ATXN1: variants seen among roughly 807,000 people sequenced by gnomAD.
The protein encoded by ATXN1 is ataxin-1.
Under a neutral mutation model 56.4 loss-of-function variants are expected in ATXN1, and 8 were observed. The observed-to-expected ratio is 0.14, with a 90% confidence interval of 0.08 to 0.26. The LOEUF (loss-of-function observed/expected upper bound fraction) is 0.26. ATXN1 is among the 10% of genes least tolerant of loss of function. ATXN1 has a pLI of 1.00. For missense variants in ATXN1, 987 were observed against 1,106.5 expected (o/e 0.89, Z 1.53); for synonymous variants, 514 against 494.6 (o/e 1.04, Z -0.52).
intron 6 of ATXN1, among the ~76,000 whole-genome samples, chr6:16,367,520 C>T (rs1203285782): frequency 6.6e-6 from 1 of 152,184 alleles, no homozygotes; most frequent in Non-Finnish European, 1.5e-5. Flanking sequence ...AGCACACATT[C>T]AGACTCGATT....
intron 3 of ATXN1, among the ~76,000 whole-genome samples, chr6:16,601,701 A>G (rs547391461): frequency 6.6e-6 from 1 of 152,014 alleles, no homozygotes; most frequent in African/African-American, 2.4e-5. Context: ...AATACAAAAA[A>G]TATTAGTTGG....
intron 6 of ATXN1, among the ~76,000 whole-genome samples, chr6:16,384,496 A>T (rs7758453): frequency 5.9e-5 from 9 of 152,028 alleles, no homozygotes; most frequent in East Asian, 3.9e-4. Flanking sequence ...ATAAAACAGA[A>T]GATCTAAAAG....
chr6:16,697,339 C>T (rs1759185797), intron 2 of ATXN1, among the ~76,000 whole-genome samples: 1 of 152,010 alleles, frequency 6.6e-6, no homozygotes, highest in African/African-American at 2.4e-5. Flanking sequence ...GCTTTTTTAC[C>T]CTTGGACTTG....
At chr6:16,437,189 C>T (rs553587528) in intron 6 of ATXN1, among the ~76,000 whole-genome samples, 31 of 152,180 alleles carry the variant, frequency 2.0e-4, no homozygotes, top group Non-Finnish European at 4.6e-4. Flanking sequence ...AAAAAACAGA[C>T]CAGGTTTGAG....
chr6:16,549,512 C>A (rs1000134740), intron 4 of ATXN1, among the ~76,000 whole-genome samples: 2 of 152,142 alleles, frequency 1.3e-5, no homozygotes, highest in Admixed American at 6.5e-5. Context: ...GTGAGGGAAG[C>A]GGAACCAGCT....
chr6:16,518,733 A>T (rs999983877), intron 5 of ATXN1, among the ~76,000 whole-genome samples: 1 of 152,174 alleles, frequency 6.6e-6, no homozygotes, highest in Non-Finnish European at 1.5e-5. Context: ...TTAATGGAAA[A>T]ATCCCTCAAA....
intron 3 of ATXN1, among the ~76,000 whole-genome samples, chr6:16,637,930 G>C (rs1763629911): frequency 6.6e-6 from 1 of 152,206 alleles, no homozygotes; most frequent in African/African-American, 2.4e-5. Context: ...AGCTGGCAGA[G>C]GTAGGCATAG....
intron 2 of ATXN1, among the ~76,000 whole-genome samples, chr6:16,662,140 T>C (rs1228164435): frequency 6.6e-6 from 1 of 152,112 alleles, no homozygotes; most frequent in Non-Finnish European, 1.5e-5. Context: ...CACACATACA[T>C]GGTAGAGGTG....
chr6:16,529,981 G>A (rs551213665), intron 4 of ATXN1, among the ~76,000 whole-genome samples: 2 of 152,296 alleles, frequency 1.3e-5, no homozygotes, highest in South Asian at 4.1e-4. Context: ...TTGAGTCCGT[G>A]AATGTCCCCA....
intron 2 of ATXN1, among the ~76,000 whole-genome samples, chr6:16,715,866 A>G (rs544961646): frequency 6.6e-6 from 1 of 152,264 alleles, no homozygotes; most frequent in South Asian, 2.1e-4. Context: ...GTAACCCCAT[A>G]CCACGTCCCC....
intron 2 of ATXN1, among the ~76,000 whole-genome samples, chr6:16,734,451 G>C (rs1760066369): frequency 6.6e-6 from 1 of 152,184 alleles, no homozygotes; most frequent in Non-Finnish European, 1.5e-5. Flanking sequence ...AAGAGAAAAA[G>C]GAGAGAAAAC....
In ATXN1 at chr6:16,558,373, T is replaced by C. The variant is rs577436343; in HGVS notation, c.-361+27407A>G. The stretch of plus-strand genomic sequence containing the variant: ...TGAATCATATCTCAATAAAACCTTT[T>C]TAATTTTTATTTTCTTTTAGAGACA... On this transcript the variant is annotated intron_variant, in intron 4 of 7. Coordinates refer to ENST00000436367, the MANE Select transcript of ATXN1 (RefSeq NM_001128164.2). Among the ~76,000 whole-genome samples, 11 of 152,108 alleles carry C rather than the reference T, an allele frequency of 7.2e-5. No individual in the cohort carries two copies. The South Asian group carries it at 1.2e-3, about 17-fold the overall frequency.
At chr6:16,411,555 TAAA>T (rs554507156) in intron 6 of ATXN1, among the ~76,000 whole-genome samples, 2 of 146,622 alleles carry the variant, frequency 1.4e-5, no homozygotes, top group Non-Finnish European at 3.0e-5. Context: ...TCTTGAAGGT[TAAA>T]AAAAAAAAAT....
At chr6:16,381,930 T>C (rs1014490755) in intron 6 of ATXN1, among the ~76,000 whole-genome samples, 1 of 152,226 alleles carries the variant, frequency 6.6e-6, no homozygotes, top group Admixed American at 6.5e-5. Flanking sequence ...ATGTCTACAT[T>C]TATAGATTTA....
In ATXN1 at chr6:16,612,646, C is replaced by A. The variant is rs114861654; in HGVS notation, c.-488-26739G>T. On this transcript the variant is annotated intron_variant, in intron 3 of 7. Coordinates refer to ENST00000436367, the MANE Select transcript of ATXN1 (RefSeq NM_001128164.2). The stretch of plus-strand genomic sequence containing the variant: ...GTGGCTCACACCTTTGTAATCCCAG[C>A]ACTTTGGGAGGTCGGGCAGGCAGAT... Among the ~76,000 whole-genome samples, 1,234 of 152,164 alleles carry A rather than the reference C, an allele frequency of 8.1e-3. 11 individuals are homozygous for A. The highest frequency in any genetic ancestry group is 0.029 in the African/African-American group (1,193 of 41,532).
intron 6 of ATXN1, among the ~76,000 whole-genome samples, chr6:16,427,251 G>A (rs1241448819): frequency 6.6e-6 from 1 of 152,124 alleles, no homozygotes; most frequent in Non-Finnish European, 1.5e-5. Flanking sequence ...CTTTGTGGTG[G>A]GGGCTGTCCT....
intron 4 of ATXN1, among the ~76,000 whole-genome samples, chr6:16,554,376 C>T (rs1378629682): frequency 1.3e-5 from 2 of 152,220 alleles, no homozygotes; most frequent in Non-Finnish European, 2.9e-5. Flanking sequence ...CATTTCCTCC[C>T]CAATCTCTAA....
At position 16,306,840 on chromosome 6, in the gene ATXN1, A is replaced by G. The variant is rs776875022; in HGVS notation, c.1937T>C (p.Val646Ala). Residue 646 changes from valine to alanine, a missense_variant, in exon 8 of 8, where the codon GTA (valine) becomes GCA (alanine). Physicochemically the swap from Val to Ala is moderately conservative, Grantham distance 64 (BLOSUM62 0). Around this residue, in one of 3 missense-constraint regions of ATXN1, gnomAD observed 68 missense variants for 118.1 expected, o/e 0.58. Transcript: ENST00000436367. The surrounding 1 kb of genome is among the most constrained non-coding windows in gnomAD (Gnocchi z 5.2). ...TCCAAACACAAAAAAAGGATACTCTACCAAAACTTCAACGCTGACCTGTGG... is the reference window on the plus strand; with the variant it reads ...TCCAAACACAAAAAAAGGATACTCTGCCAAAACTTCAACGCTGACCTGTGG... The part of the protein sequence containing the change: ...HRAQVSVEVL[V>A]EYPFFVFGQG... The G allele has an allele frequency of 6.2e-7, 1 of 1,609,960 alleles. No individual in the cohort carries two copies. Among genetic ancestry groups the G allele is most frequent in the East Asian group, 2.2e-5 (1 of 44,886 alleles).
At chr6:16,761,060 A>C (rs920089112) in intron 1 of ATXN1, 4 of 279,174 alleles carry the variant, frequency 1.4e-5, no homozygotes, top group Non-Finnish European at 2.8e-5. Flanking sequence ...TTGTATGTAC[A>C]CACATACACA....
Sources: gnomAD v4.1 joint callset for allele counts (sites outside exome capture counted in the v4.1 genomes callset) on GRCh38, gnomAD v4.1.1 for gene constraint, gnomAD v4.1.1 regional missense constraint, Gnocchi (gnomAD v3.1) non-coding constraint, MANE v1.5 for transcripts, NCBI Gene and HGNC (gene_info 2026-07-23, HGNC 2026-07-21) for gene names.